Variants in AGBL4 observed in about 807,000 individuals in gnomAD.
The protein encoded by AGBL4 is cytosolic carboxypeptidase 6.
Under a neutral mutation model 66.4 loss-of-function variants are expected in AGBL4, and 58 were observed. The observed-to-expected ratio is 0.87, with a 90% CI of 0.71 to 1.09. The LOEUF (loss-of-function observed/expected upper bound fraction) is 1.09, where lower values mean the gene tolerates loss of function less well. AGBL4 is among the 50% of genes least tolerant of loss of function. AGBL4 has a pLI of 0.00. For synonymous variants in AGBL4, 234 were observed against 222.9 expected, an observed-to-expected ratio of 1.05 and a Z score of -0.44; for missense variants, 579 against 631.0, an observed-to-expected ratio of 0.92 and a Z score of 0.88.
At chr1:48,677,312 G>A (rs897534137) in intron 6 of AGBL4, among the ~76,000 whole-genome samples, 1 of 152,204 alleles carries the variant, frequency 6.6e-6, no homozygotes, top group Non-Finnish European at 1.5e-5. Context: ...GTAAGAAAAC[G>A]TAAGCTGCAT....
intron 5 of AGBL4, among the ~76,000 whole-genome samples, chr1:48,932,092 T>C (rs1469016030): frequency 1.3e-5 from 2 of 152,138 alleles, no homozygotes; most frequent in African/African-American, 4.8e-5. Flanking sequence ...CAGTATGCAG[T>C]GGGAATCCTG....
rs58294452 is a variant in AGBL4, at chr1:49,725,682, G to GTTT, written c.158-28248_158-28246dup. On this transcript the variant is annotated intron_variant, in intron 2 of 13. Transcript: ENST00000371839. ...CCATTAATGTTCTTTTCCTTTGTGGGTTTTTTTTTTTTTTTTTTTTTGAGA... is the reference window on the plus strand; with the variant it reads ...CCATTAATGTTCTTTTCCTTTGTGGGTTTTTTTTTTTTTTTTTTTTTTTTGAGA... 1.5e-3 allele frequency among the ~76,000 whole-genome samples: 179 copies of GTTT among 119,050 alleles called. 2 individuals are homozygous for GTTT. The highest frequency in any genetic ancestry group is 3.9e-3 in the African/African-American group (117 of 29,884). The allele number at this position is 119,050 out of a possible 152,430, so 78.1% of individuals were successfully genotyped here.
intron 3 of AGBL4, among the ~76,000 whole-genome samples, chr1:49,683,272 A>G (rs1445630747): frequency 6.6e-6 from 1 of 152,208 alleles, no homozygotes; most frequent in Non-Finnish European, 1.5e-5. Flanking sequence ...GTCCAAAAGG[A>G]GGCTATACCA....
intron 2 of AGBL4, among the ~76,000 whole-genome samples, chr1:49,839,015 C>T (rs934574713): frequency 4.6e-5 from 7 of 152,144 alleles, no homozygotes; most frequent in African/African-American, 1.7e-4. Context: ...TTTCAATATG[C>T]CCAATTCATA....
At chr1:49,774,139 C>G (rs998013780) in intron 2 of AGBL4, among the ~76,000 whole-genome samples, 1 of 152,190 alleles carries the variant, frequency 6.6e-6, no homozygotes, top group Non-Finnish European at 1.5e-5. Flanking sequence ...CCGGGGAATG[C>G]ACCTGTGTGT....
At chr1:48,963,895 A>G (rs1209211079) in intron 5 of AGBL4, among the ~76,000 whole-genome samples, 1 of 152,236 alleles carries the variant, frequency 6.6e-6, no homozygotes, top group African/African-American at 2.4e-5. Context: ...TCATTCATTC[A>G]ATCATTCACC....
At chr1:48,717,160 C>T (rs1647065471) in intron 6 of AGBL4, among the ~76,000 whole-genome samples, 1 of 152,170 alleles carries the variant, frequency 6.6e-6, no homozygotes, top group Admixed American at 6.5e-5. Context: ...TGCTTTTTGC[C>T]TTTTTTTCTT....
chr1:50,004,816 G>A (rs759558307), intron 1 of AGBL4, among the ~76,000 whole-genome samples: 6 of 152,066 alleles, frequency 3.9e-5, no homozygotes, highest in Non-Finnish European at 7.4e-5. Context: ...CTGGCTTCAG[G>A]TGTCACCCAG....
intron 5 of AGBL4, among the ~76,000 whole-genome samples, chr1:48,909,868 T>C (rs1035899885): frequency 2.0e-5 from 3 of 152,214 alleles, no homozygotes; most frequent in Non-Finnish European, 4.4e-5. Context: ...ATATTTATGT[T>C]TATGTTTCCT....
At chr1:48,819,577 T>G (rs556299469) in intron 6 of AGBL4, among the ~76,000 whole-genome samples, 5 of 152,230 alleles carry the variant, frequency 3.3e-5, no homozygotes, top group African/African-American at 1.2e-4. Flanking sequence ...GAGGCCAATT[T>G]GGGGACTACA....
intron 4 of AGBL4, among the ~76,000 whole-genome samples, chr1:49,069,663 C>T (rs150961449): frequency 0.02 from 3,064 of 151,830 alleles, 134 homozygotes; most frequent in African/African-American, 0.061. Flanking sequence ...AGTCAGGTAG[C>T]GTGACACCTC....
At chr1:49,863,419 A>G (rs1646622766) in intron 1 of AGBL4, among the ~76,000 whole-genome samples, 1 of 152,220 alleles carries the variant, frequency 6.6e-6, no homozygotes, top group Non-Finnish European at 1.5e-5. Flanking sequence ...AACCAAAGCA[A>G]CAATGAACAA....
intron 6 of AGBL4, among the ~76,000 whole-genome samples, chr1:48,811,075 T>A (rs1367196409): frequency 6.6e-6 from 1 of 151,640 alleles, no homozygotes; most frequent in Middle Eastern, 3.2e-3. Flanking sequence ...CAAGAGCACA[T>A]GTGGCACAGC....
At chr1:48,909,186 G>T (rs1214346125) in intron 5 of AGBL4, among the ~76,000 whole-genome samples, 1 of 152,160 alleles carries the variant, frequency 6.6e-6, no homozygotes, top group Admixed American at 6.5e-5. Context: ...GTTGAAGATA[G>T]TTGGGAGTGT....
At chr1:48,729,636 C>T (rs1431881852) in intron 6 of AGBL4, among the ~76,000 whole-genome samples, 1 of 151,976 alleles carries the variant, frequency 6.6e-6, no homozygotes, top group Admixed American at 6.6e-5. Flanking sequence ...AGGTATGGGG[C>T]AGAATCCACT....
chr1:48,964,808 T>A (rs1332833904), intron 5 of AGBL4, among the ~76,000 whole-genome samples: 1 of 152,190 alleles, frequency 6.6e-6, no homozygotes, highest in African/African-American at 2.4e-5. Context: ...AAATAGGCAT[T>A]TTGTTTGATA....
At chr1:49,265,607 C>A (rs1643899333) in intron 3 of AGBL4, among the ~76,000 whole-genome samples, 1 of 151,934 alleles carries the variant, frequency 6.6e-6, no homozygotes, top group South Asian at 2.1e-4. Flanking sequence ...TCTTTCTGAG[C>A]CTGTTATTTG....
chr1:49,096,674 C>T (rs954036745), intron 4 of AGBL4, among the ~76,000 whole-genome samples: 2 of 117,796 alleles, frequency 1.7e-5, no homozygotes, highest in Non-Finnish European at 3.2e-5. Context: ...GAACATCACA[C>T]ACTGGGGCCT....
intron 7 of AGBL4, among the ~76,000 whole-genome samples, chr1:48,659,969 A>T (rs551154203): frequency 6.6e-6 from 1 of 152,346 alleles, no homozygotes; most frequent in Non-Finnish European, 1.5e-5. Flanking sequence ...CTGCGGCATA[A>T]GGAGATTTTG....
Sources: allele counts gnomAD v4.1 joint callset (sites outside exome capture counted in the v4.1 genomes callset), GRCh38; gene constraint gnomAD v4.1.1; transcripts MANE v1.5; gene names NCBI Gene and HGNC (gene_info 2026-07-23, HGNC 2026-07-21).